Variants in MALRD1 observed in about 807,000 individuals in gnomAD.
The protein encoded by MALRD1 is MAM and LDL receptor class A domain containing 1, also known as MAM and LDL-receptor class A domain-containing protein 1.
A neutral mutation model predicts 242.1 loss-of-function variants in MALRD1; 247 were observed. The observed-to-expected ratio is 1.02, with a 90% confidence interval of 0.92 to 1.13. MALRD1 has a LOEUF of 1.13. MALRD1 is among the 50% of genes most tolerant of loss of function. The pLI, the probability that MALRD1 is intolerant of heterozygous loss-of-function variation, is 0.00. For synonymous variants in MALRD1, 995 were observed against 866.6 expected, an observed-to-expected ratio of 1.15 and a Z score of -2.60; for missense variants, 2,989 against 2,533.1, an observed-to-expected ratio of 1.18 and a Z score of -3.86.
chr10:19,547,438 CCTT>C (rs1835255827), intron 32 of MALRD1, among the ~76,000 whole-genome samples: 1 of 151,880 alleles, frequency 6.6e-6, no homozygotes, highest in Non-Finnish European at 1.5e-5. Flanking sequence ...TGCTTCTGAT[CCTT>C]CTTATTTGCA....
chr10:19,380,220 C>T (rs1357999715), intron 26 of MALRD1, among the ~76,000 whole-genome samples: 1 of 151,274 alleles, frequency 6.6e-6, no homozygotes, highest in Non-Finnish European at 1.5e-5. Context: ...GGTGATCCAC[C>T]TGCCTTGGCC....
chr10:19,458,579 T>C (rs1488395036), intron 29 of MALRD1, among the ~76,000 whole-genome samples: 3 of 152,172 alleles, frequency 2.0e-5, no homozygotes, highest in Non-Finnish European at 4.4e-5. Flanking sequence ...GTAGAGATAT[T>C]TACTCTTTGA....
chr10:19,571,824 G>A (rs1836556958), intron 33 of MALRD1, among the ~76,000 whole-genome samples: 1 of 152,064 alleles, frequency 6.6e-6, no homozygotes, highest in African/African-American at 2.4e-5. Context: ...AATGAACCAA[G>A]GCGCCTGAAT....
chr10:19,133,335 A>G (rs1833189266), intron 8 of MALRD1, among the ~76,000 whole-genome samples: 1 of 152,220 alleles, frequency 6.6e-6, no homozygotes, highest in Non-Finnish European at 1.5e-5. Context: ...TAAGAATATA[A>G]TTTTCAGAAT....
intron 7 of MALRD1, 129 bp downstream of exon 7, chr10:19,124,799 C>A: frequency 2.7e-6 from 2 of 734,862 alleles, no homozygotes; most frequent in East Asian, 3.4e-5. Context: ...TACATTCTGC[C>A]AAAGGAGCTG....
intron 36 of MALRD1, among the ~76,000 whole-genome samples, chr10:19,691,455 A>G (rs956220731): frequency 2.6e-5 from 4 of 152,118 alleles, no homozygotes; most frequent in Non-Finnish European, 5.9e-5. Context: ...CTCATATTCA[A>G]AAGCTACGTT....
intron 26 of MALRD1, among the ~76,000 whole-genome samples, chr10:19,375,578 G>C (rs1366288305): frequency 2.0e-5 from 3 of 152,114 alleles, no homozygotes; most frequent in Non-Finnish European, 4.4e-5. Context: ...AAGTTGGAAG[G>C]TATGACCTTA....
intron 21 of MALRD1, among the ~76,000 whole-genome samples, chr10:19,317,726 T>C (rs1842763875): frequency 6.6e-6 from 1 of 152,000 alleles, no homozygotes; most frequent in South Asian, 2.1e-4. Flanking sequence ...CAGGAGATTC[T>C]CAACAAAGGA....
chr10:19,189,329 CA>C (rs1176215018), intron 14 of MALRD1, among the ~76,000 whole-genome samples: 1 of 151,986 alleles, frequency 6.6e-6, no homozygotes, highest in Admixed American at 6.6e-5. Flanking sequence ...GATCTGCTAA[CA>C]AAGTAAAGCC....
At chr10:19,425,976 A>G (rs576132956) in intron 28 of MALRD1, among the ~76,000 whole-genome samples, 70 of 152,200 alleles carry the variant, frequency 4.6e-4, no homozygotes, top group Non-Finnish European at 8.1e-4. Flanking sequence ...ATTTTTCTTC[A>G]TCTCTCTCCC....
At chr10:19,162,780 G>C (rs1166883387) in intron 12 of MALRD1, among the ~76,000 whole-genome samples, 1 of 152,068 alleles carries the variant, frequency 6.6e-6, no homozygotes, top group Non-Finnish European at 1.5e-5. Context: ...TAAAAGCAGA[G>C]CTACTATTCC....
At chr10:19,243,235 G>T (rs1838878750) in intron 18 of MALRD1, among the ~76,000 whole-genome samples, 1 of 151,278 alleles carries the variant, frequency 6.6e-6, no homozygotes, top group Non-Finnish European at 1.5e-5. Context: ...TTATATTTTT[G>T]TTACCTTACA....
intron 38 of MALRD1, among the ~76,000 whole-genome samples, chr10:19,707,110 C>G (rs1394804485): frequency 6.6e-6 from 1 of 150,620 alleles, no homozygotes; most frequent in African/African-American, 2.4e-5. Context: ...CCTTCTTCTT[C>G]CTTTTCCTCC....
At chr10:19,055,806 A>G (rs940104441) in intron 1 of MALRD1, among the ~76,000 whole-genome samples, 4 of 152,194 alleles carry the variant, frequency 2.6e-5, no homozygotes, top group Non-Finnish European at 4.4e-5. Flanking sequence ...TGGAATACAT[A>G]TGGACACAAA....
intron 5 of MALRD1, among the ~76,000 whole-genome samples, chr10:19,115,360 C>A (rs913168422): frequency 6.6e-6 from 1 of 152,000 alleles, no homozygotes; most frequent in Non-Finnish European, 1.5e-5. Context: ...ATCTGTATAA[C>A]AGACCCCCAT....
intron 14 of MALRD1, among the ~76,000 whole-genome samples, chr10:19,202,730 G>T (rs1351138349): frequency 6.6e-6 from 1 of 152,044 alleles, no homozygotes; most frequent in Non-Finnish European, 1.5e-5. Context: ...TTTTGCGTTG[G>T]TCTGTGTAGT....
At chr10:19,300,419 C>A (rs1292996226) in intron 21 of MALRD1, among the ~76,000 whole-genome samples, 1 of 151,642 alleles carries the variant, frequency 6.6e-6, no homozygotes, top group East Asian at 1.9e-4. Flanking sequence ...CAATCCTAAG[C>A]AAAAATAAAG....
intron 29 of MALRD1, among the ~76,000 whole-genome samples, chr10:19,457,098 T>G (rs1196186359): frequency 6.6e-6 from 1 of 152,216 alleles, no homozygotes; most frequent in Non-Finnish European, 1.5e-5. Context: ...ACCATCATAT[T>G]TAATTGAATC....
chr10:19,700,157 C>A (rs1477827831), intron 38 of MALRD1, among the ~76,000 whole-genome samples: 2 of 151,962 alleles, frequency 1.3e-5, no homozygotes, highest in African/African-American at 4.8e-5. Flanking sequence ...AAGACACCTC[C>A]CTACTGTTGA....
Sources: allele counts gnomAD v4.1 joint callset (sites outside exome capture counted in the v4.1 genomes callset), GRCh38; gene constraint gnomAD v4.1.1; transcripts MANE v1.5; gene names NCBI Gene and HGNC (gene_info 2026-07-23, HGNC 2026-07-21).